Variants in MYCN observed in about 807,000 individuals in gnomAD.
MYCN encodes the protein N-myc proto-oncogene protein.
A neutral mutation model predicts 28.1 loss-of-function variants in MYCN; 3 were observed. The ratio of observed to expected loss-of-function variants is 0.11; its 90% CI spans 0.05 to 0.28. The LOEUF (loss-of-function observed/expected upper bound fraction) is 0.28. Among genes scored for constraint, MYCN ranks in the 10% least tolerant of loss-of-function variants. The pLI, the probability that MYCN is intolerant of heterozygous loss-of-function variation, is 1.00. For synonymous variants in MYCN, 326 were observed against 288.3 expected (o/e 1.13, Z -1.32); for missense variants, 572 against 651.4 (o/e 0.88, Z 1.33).
chr2:15,941,985 C>A lies in MYCN; in HGVS notation c.-80C>A. 6.4e-7 allele frequency: 1 copy of A among 1,571,862 alleles called. No homozygotes were observed. The highest frequency in any genetic ancestry group is 1.1e-5 in the South Asian group (1 of 87,350). On this transcript the variant is annotated 5_prime_UTR_variant, in exon 2 of 3. Coordinates refer to ENST00000281043, the MANE Select transcript of MYCN (RefSeq NM_005378.6). The surrounding 1 kb of genome is among the most constrained non-coding windows in gnomAD (Gnocchi z 4.8). ...GCGCCGGCCCCCGCCTTCCGCGCCCCCCACGGGAAGGAAGCACCCCCGGTA... is the reference window on the plus strand; with the variant it reads ...GCGCCGGCCCCCGCCTTCCGCGCCCACCACGGGAAGGAAGCACCCCCGGTA...
At position 15,945,503 on chromosome 2, in the gene MYCN, TGATGAAGAGGAA is replaced by T. The variant is rs745328158; in HGVS notation, c.816_827del (p.Asp272_Glu275del). ...GCATCTTTCTCTCAGATGATGAAGATGATGAAGAGGAAGATGAAGAGGAAGAAATCGACGTGG... is the reference window on the plus strand; with the variant it reads ...GCATCTTTCTCTCAGATGATGAAGATGATGAAGAGGAAGAAATCGACGTGG... On this transcript the variant is annotated inframe_deletion, in exon 3 of 3. Transcript: ENST00000281043. This position sits in a 1 kb window ranked among gnomAD's most constrained non-coding sequence, Gnocchi z 4.8. 79 of 1,608,894 alleles carry T rather than the reference TGATGAAGAGGAA, an allele frequency of 4.9e-5. No homozygotes were observed. The highest frequency in any genetic ancestry group is 5.7e-5 in the Non-Finnish European group (67 of 1,177,650).
In MYCN at chr2:15,946,917, A is replaced by G; in HGVS notation, c.*820A>G. The stretch of plus-strand genomic sequence containing the variant: ...GGGTAAATGCAAAGTTCTGTGTTTA[A>G]TTTCTTCAAAATGTATATATTTAGT... On this transcript the variant is annotated 3_prime_UTR_variant, in exon 3 of 3. Coordinates refer to ENST00000281043, the MANE Select transcript of MYCN (RefSeq NM_005378.6). 4.7e-6 allele frequency: 1 copy of G among 214,078 alleles called. No homozygotes were observed. Among genetic ancestry groups the G allele is most frequent in the Non-Finnish European group, 9.5e-6 (1 of 105,812 alleles). 13.3% of individuals were successfully genotyped at this position (214,078 alleles called of 1,614,324 possible). A position where few individuals can be genotyped will look rare whatever the true frequency, so the allele number is the denominator to read the frequency against.
At chr2:15,940,817 G>A (rs1352808839) in intron 1 of MYCN, 74 bp downstream of exon 1, 7 of 398,212 alleles carry the variant, frequency 1.8e-5, no homozygotes, top group African/African-American at 1.2e-4. Flanking sequence ...AGCCCTGGAC[G>A]GGATTGCGAC....
rs1301018457 is a variant in MYCN, at chr2:15,942,220, G to A, written c.156G>A (p.Lys52=). The stretch of plus-strand genomic sequence containing the variant: ...CCCCGGGGGAGGACATCTGGAAGAA[G>A]TTTGAGCTGCTGCCCACGCCCCCGC... ...STPPGEDIWK[K]FELLPTPPLS... Residue 52 remains lysine (K), a synonymous_variant, in exon 2 of 3, where the codon AAG becomes AAA. Coordinates refer to ENST00000281043, the MANE Select transcript of MYCN (RefSeq NM_005378.6). The surrounding 1 kb of genome is among the most constrained non-coding windows in gnomAD (Gnocchi z 7.0). 2.5e-6 allele frequency: 4 copies of A among 1,613,276 alleles called. No homozygotes were observed. The African/African-American group carries it at 5.3e-5, about 22-fold the overall frequency.
chr2:15,940,851 G>T (rs943563723), intron 1 of MYCN, 108 bp downstream of exon 1: 3 of 398,006 alleles, frequency 7.5e-6, no homozygotes, highest in Non-Finnish European at 1.3e-5. Context: ...GCCCTAATAT[G>T]CCCGGGGGAC....
Position 15,945,508 on chromosome 2 carries a change from A to G in MYCN, c.806A>G (p.Glu269Gly). 6.2e-7 allele frequency: 1 copy of G among 1,610,610 alleles called. No homozygotes were observed. Among genetic ancestry groups the G allele is most frequent in the Non-Finnish European group, 8.5e-7 (1 of 1,178,410 alleles). ...TTTCTCTCAGATGATGAAGATGATG[A>G]AGAGGAAGATGAAGAGGAAGAAATC... ...TLSDSDDEDD[E>G]EEDEEEEIDV... The change falls in exon 3 of 3, where the codon GAA (glutamate) becomes GGA (glycine). Residue 269 changes from glutamate (E) to glycine (G), a missense_variant. Transcript: ENST00000281043. The surrounding 1 kb of genome is among the most constrained non-coding windows in gnomAD (Gnocchi z 4.8).
At chr2:15,943,548 G>T (rs560604976) in intron 2 of MYCN, among the ~76,000 whole-genome samples, 8 of 152,188 alleles carry the variant, frequency 5.3e-5, no homozygotes, top group African/African-American at 1.9e-4. Flanking sequence ...TGGGGGTGGT[G>T]GGGGCACCCT....
At position 15,942,581 on chromosome 2, in the gene MYCN, G is replaced by T. The variant is rs550938636; in HGVS notation, c.517G>T (p.Ala173Ser). Residue 173 changes from alanine (A) to serine (S), a missense_variant, in exon 2 of 3, where the codon GCC becomes TCC. By Grantham distance (99) the Ala-to-Ser change is moderately conservative. Transcript: ENST00000281043. This position sits in a 1 kb window ranked among gnomAD's most constrained non-coding sequence, Gnocchi z 7.0. ...GGCTGCGGGAGCCGGCCGCGCCGGG[G>T]CCGCCCTGCCCGCCGAGCTCGCCCA... ...GGAAGAGRAG[A>S]ALPAELAHPA... 9.3e-7 allele frequency: 1 copy of T among 1,070,474 alleles called. No individual in the cohort carries two copies. Among genetic ancestry groups the T allele is most frequent in the Non-Finnish European group, 1.1e-6 (1 of 887,266 alleles). 66.3% of individuals were successfully genotyped at this position (1,070,474 alleles called of 1,614,324 possible).
Position 15,942,250 on chromosome 2 carries a change from G to T in MYCN, c.186G>T (p.Ser62=), listed in dbSNP as rs865923398. The change falls in exon 2 of 3, where the codon TCG becomes TCT. Residue 62 remains serine, a synonymous_variant. Coordinates refer to ENST00000281043, the MANE Select transcript of MYCN (RefSeq NM_005378.6). The surrounding 1 kb of genome is among the most constrained non-coding windows in gnomAD (Gnocchi z 7.0). ...AGCTGCTGCCCACGCCCCCGCTGTC[G>T]CCCAGCCGTGGCTTCGCGGAGCACA... ...KFELLPTPPL[S]PSRGFAEHSS... 2.5e-6 allele frequency: 4 copies of T among 1,612,630 alleles called. No homozygotes were observed. Among genetic ancestry groups the T allele is most frequent in the Admixed American group, 3.3e-5 (2 of 59,970 alleles).
At position 15,942,351 on chromosome 2, in the gene MYCN, C is replaced by A; in HGVS notation, c.287C>A (p.Ala96Glu). ...ELWGSPAEED[A>E]FGLGGLGGLT... The stretch of plus-strand genomic sequence containing the variant: ...TGGGGCAGCCCGGCCGAGGAGGACG[C>A]GTTCGGCCTGGGGGGACTGGGTGGC... Residue 96 changes from alanine to glutamate, a missense_variant, in exon 2 of 3, where the codon GCG (alanine) becomes GAG (glutamate). Around this residue, in one of 3 missense-constraint regions of MYCN, gnomAD observed 499 missense variants for 524.3 expected, o/e 0.95. Coordinates refer to ENST00000281043, the MANE Select transcript of MYCN (RefSeq NM_005378.6). The surrounding 1 kb of genome is among the most constrained non-coding windows in gnomAD (Gnocchi z 7.0). 6.2e-7 allele frequency: 1 copy of A among 1,607,246 alleles called. No individual in the cohort carries two copies. Among genetic ancestry groups the A allele is most frequent in the Non-Finnish European group, 8.5e-7 (1 of 1,177,842 alleles).
rs572661091 is a variant in MYCN, at chr2:15,945,387, C to T, written c.791-106C>T. 45 of 1,349,214 alleles carry T rather than the reference C, an allele frequency of 3.3e-5. No homozygotes were observed. The East Asian group carries it at 5.5e-4, about 17-fold the overall frequency. 83.6% of individuals were successfully genotyped at this position (1,349,214 alleles called of 1,614,324 possible). A position where few individuals can be genotyped will look rare whatever the true frequency, so the allele number is the denominator to read the frequency against. On this transcript the variant is annotated intron_variant, in intron 2 of 2. Coordinates refer to ENST00000281043, the MANE Select transcript of MYCN (RefSeq NM_005378.6). The surrounding 1 kb of genome is among the most constrained non-coding windows in gnomAD (Gnocchi z 4.8). ...TGGACCCATAAAAATAGCAGTCTGC[C>T]AGGGTCTGCCGGAAGAGACAGATAA...
In MYCN at chr2:15,945,073, C is replaced by T. The variant is rs1421261389; in HGVS notation, c.791-420C>T. ...GGAGTGCAGTGGTATGATCTGGGCT[C>T]ACTGCAACCTCCGCCTCCCGGGTTC... On this transcript the variant is annotated intron_variant, in intron 2 of 2. Transcript: ENST00000281043. The surrounding 1 kb of genome is among the most constrained non-coding windows in gnomAD (Gnocchi z 4.8). 6.6e-6 allele frequency among the ~76,000 whole-genome samples: 1 copy of T among 152,008 alleles called. No individual in the cohort carries two copies.
rs2103323872 is a variant in MYCN, at chr2:15,942,211, C to G, written c.147C>G (p.Ile49Met). Residue 49 changes from isoleucine to methionine, a missense_variant, in exon 2 of 3, where the codon ATC (isoleucine) becomes ATG (methionine). By Grantham distance (10) the Ile-to-Met change is conservative (BLOSUM62 1). Around this residue, in one of 3 missense-constraint regions of MYCN, gnomAD observed 499 missense variants for 524.3 expected, o/e 0.95. Transcript: ENST00000281043. The surrounding 1 kb of genome is among the most constrained non-coding windows in gnomAD (Gnocchi z 7.0). ...ACTCGACCCCCCCGGGGGAGGACAT[C>G]TGGAAGAAGTTTGAGCTGCTGCCCA... is the stretch of plus-strand genomic sequence containing the variant. ...GPDSTPPGED[I>M]WKKFELLPTP... The G allele has an allele frequency of 6.2e-7, 1 of 1,613,506 alleles. No individual in the cohort carries two copies. Among genetic ancestry groups the G allele is most frequent in the Non-Finnish European group, 8.5e-7 (1 of 1,179,972 alleles).
Position 15,942,134 on chromosome 2 carries a change from C to T in MYCN, c.70C>T (p.Leu24=), listed in dbSNP as rs1464331307. The T allele has an allele frequency of 1.2e-6, 2 of 1,613,984 alleles. No homozygotes were observed. Among genetic ancestry groups the T allele is most frequent in the African/African-American group, 1.3e-5 (1 of 75,064 alleles). The change falls in exon 2 of 3, where the codon CTA becomes TTA. Residue 24 remains leucine, a synonymous_variant. Transcript: ENST00000281043. This position sits in a 1 kb window ranked among gnomAD's most constrained non-coding sequence, Gnocchi z 7.0. The stretch of plus-strand genomic sequence containing the variant: ...GAACCCAGACCTCGAGTTTGACTCG[C>T]TACAGCCCTGCTTCTACCCGGACGA... ...CKNPDLEFDS[L]QPCFYPDEDD... is the part of the protein sequence containing the mutation.
In MYCN at chr2:15,941,263, G is replaced by A. The variant is rs1447699531; in HGVS notation, c.-118+520G>A. 1 of 152,544 alleles carries A rather than the reference G, an allele frequency of 6.6e-6. No homozygotes were observed. Among genetic ancestry groups the A allele is most frequent in the East Asian group, 1.9e-4 (1 of 5,178 alleles). 9.4% of individuals were successfully genotyped at this position (152,544 alleles called of 1,614,324 possible). A position where few individuals can be genotyped will look rare whatever the true frequency, so the allele number is the denominator to read the frequency against. ...GGGCTCAGCCTCTCCCTCCCTGGAAGAGGACGTTGTCGTGGGTTTGGAAGA... is the reference window on the plus strand; with the variant it reads ...GGGCTCAGCCTCTCCCTCCCTGGAAAAGGACGTTGTCGTGGGTTTGGAAGA... On this transcript the variant is annotated intron_variant, in intron 1 of 2. Coordinates refer to ENST00000281043, the MANE Select transcript of MYCN (RefSeq NM_005378.6). The surrounding 1 kb of genome is among the most constrained non-coding windows in gnomAD (Gnocchi z 4.8).
intron 2 of MYCN, among the ~76,000 whole-genome samples, chr2:15,944,339 A>G (rs748976225): frequency 6.6e-6 from 1 of 152,188 alleles, no homozygotes; most frequent in African/African-American, 2.4e-5. Context: ...GAATGCGCAC[A>G]TGATGCTACA....
At chr2:15,944,978 ATG>A (rs539739508) in intron 2 of MYCN, among the ~76,000 whole-genome samples, 85 of 147,884 alleles carry the variant, frequency 5.7e-4, no homozygotes, top group African/African-American at 2.1e-3. Context: ...ATGTATATGT[ATG>A]TATGTATGTA....
Position 15,942,553 on chromosome 2 carries a change from C to T in MYCN, c.489C>T (p.Gly163=), listed in dbSNP as rs987411324. The T allele has an allele frequency of 8.5e-7, 1 of 1,183,094 alleles. No individual in the cohort carries two copies. The highest frequency in any genetic ancestry group is 1.0e-6 in the Non-Finnish European group (1 of 957,922). The allele number at this position is 1,183,094 out of a possible 1,614,324, so 73.3% of individuals were successfully genotyped here. A position where few individuals can be genotyped will look rare whatever the true frequency, so the allele number is the denominator to read the frequency against. Reference sequence around the variant, plus strand: ...CCAGCCCTGCGGGTCGCGGGCACGGCGGGGCTGCGGGAGCCGGCCGCGCCG... The same window carrying T: ...CCAGCCCTGCGGGTCGCGGGCACGGTGGGGCTGCGGGAGCCGGCCGCGCCG... ...GAASPAGRGH[G]GAAGAGRAGA... Residue 163 remains glycine, a synonymous_variant, in exon 2 of 3, where the codon GGC becomes GGT. Coordinates refer to ENST00000281043, the MANE Select transcript of MYCN (RefSeq NM_005378.6). The surrounding 1 kb of genome is among the most constrained non-coding windows in gnomAD (Gnocchi z 7.0).
In MYCN at chr2:15,942,948, G is replaced by A. The variant is rs1053045611; in HGVS notation, c.790+94G>A. ...GTGCTCGTATGTCTTGGCCTGGGGA[G>A]CATTTTGGAGGCAGTGCTAGGGGCA... On this transcript the variant is annotated intron_variant, in intron 2 of 2. Coordinates refer to ENST00000281043, the MANE Select transcript of MYCN (RefSeq NM_005378.6). This position sits in a 1 kb window ranked among gnomAD's most constrained non-coding sequence, Gnocchi z 7.0. 9.7e-6 allele frequency: 14 copies of A among 1,445,716 alleles called. No homozygotes were observed. The highest frequency in any genetic ancestry group is 1.3e-5 in the South Asian group (1 of 78,598). 89.6% of individuals were successfully genotyped at this position (1,445,716 alleles called of 1,614,324 possible).
Sources: allele counts gnomAD v4.1 joint callset (sites outside exome capture counted in the v4.1 genomes callset), GRCh38; gene constraint gnomAD v4.1.1; regional missense constraint gnomAD v4.1.1; non-coding constraint Gnocchi (gnomAD v3.1); transcripts MANE v1.5; gene names NCBI Gene and HGNC (gene_info 2026-07-23, HGNC 2026-07-21).